The following SERPINB3 variants were observed in gnomAD, a reference collection of about 807,000 sequenced individuals.
SERPINB3 encodes serpin family B member 3.
A neutral mutation model predicts 33.0 loss-of-function variants in SERPINB3; 33 were observed. The observed-to-expected ratio is 1.00, with a 90% CI of 0.76 to 1.34. The LOEUF (loss-of-function observed/expected upper bound fraction) is 1.34. Ranked by LOEUF, SERPINB3 falls within the 40% of genes most tolerant of loss-of-function variation. The pLI, the probability that SERPINB3 is intolerant of heterozygous loss-of-function variation, is 0.00. For synonymous variants in SERPINB3, 200 were observed against 170.9 expected, an observed-to-expected ratio of 1.17 and a Z score of -1.33; for missense variants, 518 against 461.5, an observed-to-expected ratio of 1.12 and a Z score of -1.12.
intron 4 of SERPINB3, among the ~76,000 whole-genome samples, chr18:63,658,986 C>A (rs552418089): frequency 6.6e-6 from 1 of 152,130 alleles, no homozygotes; most frequent in Admixed American, 6.6e-5. Context: ...ATCTTTCATC[C>A]TGTGCATTCA....
rs1913522710 is a variant in SERPINB3, at chr18:63,657,272, T to C, written c.610A>G (p.Lys204Glu). Reference protein sequence around the residue: ...DTKEEKFWPNKNTYKSIQMMR... With the variant: ...DTKEEKFWPNENTYKSIQMMR... Reference sequence around the variant, plus strand: ...TATAAATAAAATATAGACAATACCTTGTTTGGCCAAAATTTTTCCTCTTTA... The same window carrying C: ...TATAAATAAAATATAGACAATACCTCGTTTGGCCAAAATTTTTCCTCTTTA... The change falls in exon 6 of 8, where the codon AAG becomes GAG. Residue 204 changes from lysine (K) to glutamate (E), a missense_variant and splice_region_variant. By Grantham distance (56) the Lys-to-Glu change is moderately conservative. Transcript: ENST00000283752. The C allele has an allele frequency of 6.5e-7, 1 of 1,546,064 alleles. No individual in the cohort carries two copies. The highest frequency in any genetic ancestry group is 1.7e-5 in the Admixed American group (1 of 57,452).
At chr18:63,658,455 A>G in intron 5 of SERPINB3, 58 bp downstream of exon 5, 6 of 1,458,408 alleles carry the variant, frequency 4.1e-6, no homozygotes, top group Non-Finnish European at 5.7e-6. Context: ...AGTTTCAGGC[A>G]TAGGGCTCAC....
chr18:63,661,571 A>G (rs1264056113), intron 1 of SERPINB3, among the ~76,000 whole-genome samples: 2 of 151,936 alleles, frequency 1.3e-5, no homozygotes, highest in Non-Finnish European at 2.9e-5. Context: ...ATCACATCCA[A>G]CCAGCTGTTA....
Position 63,661,062 on chromosome 18 carries a change from T to G in SERPINB3, c.155A>C (p.Gln52Pro). The part of the protein sequence containing the change: ...LLGAKDNTAQ[Q>P]IKKVLHFDQV... ...GATGCTGATAGCTACCTTCTTAATCTGTTGTGCAGTGTTGTCTTTGGCTCC... is the reference window on the plus strand; with the variant it reads ...GATGCTGATAGCTACCTTCTTAATCGGTTGTGCAGTGTTGTCTTTGGCTCC... The change falls in exon 2 of 8, where the codon CAG (glutamine) becomes CCG (proline). Residue 52 changes from glutamine to proline, a missense_variant. Gln to Pro is a moderately conservative substitution (Grantham distance 76). Transcript: ENST00000283752. The G allele has an allele frequency of 6.2e-7, 1 of 1,613,532 alleles. No individual in the cohort carries two copies.
At chr18:63,660,775 T>C (rs1470899939) in intron 3 of SERPINB3, 25 bp downstream of exon 3, 1 of 1,613,182 alleles carries the variant, frequency 6.2e-7, no homozygotes, top group Non-Finnish European at 8.5e-7. Flanking sequence ...GATCTAAAGC[T>C]GAACCATAGT....
At position 63,661,165 on chromosome 18, in the gene SERPINB3, G is replaced by T. The variant is rs754481412; in HGVS notation, c.52C>A (p.Gln18Lys). ...NTKFMFDLFQQFRKSKENNIF... is the reference protein window; with the variant it reads ...NTKFMFDLFQKFRKSKENNIF... ...TTGTTCTCTTTTGATTTTCTGAACT[G>T]TTGGAACAGGTCGAACATGAACTTG... The change falls in exon 2 of 8, where the codon CAG becomes AAG. Residue 18 changes from glutamine (Q) to lysine (K), a missense_variant. By Grantham distance (53) the Gln-to-Lys change is moderately conservative (BLOSUM62 1). Coordinates refer to ENST00000283752, the MANE Select transcript of SERPINB3 (RefSeq NM_006919.3). 4 of 1,613,592 alleles carry T rather than the reference G, an allele frequency of 2.5e-6. No homozygotes were observed. The Admixed American group carries it at 6.7e-5, about 27-fold the overall frequency.
chr18:63,659,650 C>G (rs1429379513), intron 3 of SERPINB3, 123 bp from the exon 4 acceptor site: 6 of 1,303,568 alleles, frequency 4.6e-6, no homozygotes, highest in African/African-American at 1.5e-5. Context: ...TGAGCTTATT[C>G]CCTGATACTT....
intron 6 of SERPINB3, 38 bp from the exon 7 acceptor site, chr18:63,657,024 GA>G (rs1913516500): frequency 6.5e-7 from 1 of 1,530,782 alleles, no homozygotes; most frequent in Non-Finnish European, 8.9e-7. Context: ...TACCAAGTGA[GA>G]CACAAGGCAA....
intron 7 of SERPINB3, among the ~76,000 whole-genome samples, chr18:63,656,530 C>G (rs528777708): frequency 6.6e-6 from 1 of 152,092 alleles, no homozygotes; most frequent in African/African-American, 2.4e-5. Flanking sequence ...TTGGTGTATT[C>G]GTAAACTTTC....
At position 63,656,863 on chromosome 18, in the gene SERPINB3, A is replaced by G. The variant is rs146881818; in HGVS notation, c.736T>C (p.Leu246=). The change falls in exon 7 of 8, where the codon TTG becomes CTG. Residue 246 remains leucine (L), a synonymous_variant. Transcript: ENST00000283752. ...AGACCATCGATTTCATTTGGCAGCA[A>G]CACAATCATGCTTAGATCTTTGCCT... ...YKGKDLSMIV[L]LPNEIDGLQK... The G allele has an allele frequency of 2.0e-4, 318 of 1,612,362 alleles. No individual in the cohort carries two copies. The African/African-American group carries it at 2.3e-3, about 12-fold the overall frequency.
chr18:63,656,965 T>G lies in SERPINB3; in HGVS notation c.634A>C (p.Met212Leu), dbSNP rs939413176. 1.9e-6 allele frequency: 3 copies of G among 1,612,628 alleles called. No individual in the cohort carries two copies. In the South Asian group the frequency reaches 3.3e-5, roughly 18 times the overall value. The change falls in exon 7 of 8, where the codon ATG (methionine) becomes CTG (leucine). Residue 212 changes from methionine (M) to leucine (L), a missense_variant. Coordinates refer to ENST00000283752, the MANE Select transcript of SERPINB3 (RefSeq NM_006919.3). The part of the protein sequence containing the change: ...PNKNTYKSIQ[M>L]MRQYTSFHFA... ...TGAAAAGATGTGTATTGCCTCATCA[T>G]CTGTATGGACTTGTATGTATTCTAC...
Position 63,661,191 on chromosome 18 carries a change from G to C in SERPINB3, c.26C>G (p.Thr9Ser). The C allele has an allele frequency of 1.1e-5, 17 of 1,613,466 alleles. No individual in the cohort carries two copies. The highest frequency in any genetic ancestry group is 1.4e-5 in the Non-Finnish European group (17 of 1,179,564). ...TTGGAACAGGTCGAACATGAACTTG[G>C]TGTTGGCTTCACTGAGTGAATTCAT... MNSLSEAN[T>S]KFMFDLFQQF... Residue 9 changes from threonine (T) to serine (S), a missense_variant, in exon 2 of 8, where the codon ACC (threonine) becomes AGC (serine). Coordinates refer to ENST00000283752, the MANE Select transcript of SERPINB3 (RefSeq NM_006919.3).
chr18:63,656,076 A>G lies in SERPINB3; in HGVS notation c.769-15T>C. ...TTCTCTTCAAGCTATACAAATGGAAAAAAGAAACTGATATGACTAACTGTT... is the reference window on the plus strand; with the variant it reads ...TTCTCTTCAAGCTATACAAATGGAAGAAAGAAACTGATATGACTAACTGTT... On this transcript the variant is annotated splice_polypyrimidine_tract_variant and intron_variant, in intron 7 of 7. Transcript: ENST00000283752. 6.2e-7 allele frequency: 1 copy of G among 1,608,368 alleles called. No individual in the cohort carries two copies. Among genetic ancestry groups the G allele is most frequent in the East Asian group, 2.2e-5 (1 of 44,726 alleles).
Position 63,658,468 on chromosome 18 carries a change from G to T in SERPINB3, c.469+45C>A, listed in dbSNP as rs371048946. The stretch of plus-strand genomic sequence containing the variant: ...GCAGTTTCAGGCATAGGGCTCACTC[G>T]CATAGATTTCTCAAAGGTGTTTCTA... On this transcript the variant is annotated intron_variant, in intron 5 of 7. Transcript: ENST00000283752. The T allele has an allele frequency of 1.0e-5, 16 of 1,529,980 alleles. No individual in the cohort carries two copies. The South Asian group carries it at 1.7e-4, about 16-fold the overall frequency. 94.8% of individuals were successfully genotyped at this position (1,529,980 alleles called of 1,614,324 possible).
chr18:63,658,628 T>A lies in SERPINB3; in HGVS notation c.354A>T (p.Glu118Asp). The stretch of plus-strand genomic sequence containing the variant: ...AAAATTTCTTGATGGCATCTAAATA[T>A]TCCTTTGAGATATGAAGGAAGAAAG... Reference protein sequence around the residue: ...FGEKTYLFLQEYLDAIKKFYQ... With the variant: ...FGEKTYLFLQDYLDAIKKFYQ... The change falls in exon 5 of 8, where the codon GAA becomes GAT. Residue 118 changes from glutamate to aspartate, a missense_variant and splice_region_variant. By Grantham distance (45) the Glu-to-Asp change is conservative. Transcript: ENST00000283752. 1 of 1,606,666 alleles carries A rather than the reference T, an allele frequency of 6.2e-7. No homozygotes were observed. Among genetic ancestry groups the A allele is most frequent in the Non-Finnish European group, 8.5e-7 (1 of 1,173,548 alleles).
In SERPINB3 at chr18:63,660,990, G is replaced by C. The variant is rs780428071; in HGVS notation, c.165+62C>G. 25 of 1,609,656 alleles carry C rather than the reference G, an allele frequency of 1.6e-5. No homozygotes were observed. The East Asian group carries it at 5.1e-4, about 33-fold the overall frequency. On this transcript the variant is annotated intron_variant, in intron 2 of 7. Transcript: ENST00000283752. ...GACCACCACATCTATTACCATCTGC[G>C]TGCTAGCCGACGGAACCAGAGAAAA...
chr18:63,659,143 AT>A (rs1289962982), intron 4 of SERPINB3, among the ~76,000 whole-genome samples: 1 of 152,036 alleles, frequency 6.6e-6, no homozygotes, highest in African/African-American at 2.4e-5. Flanking sequence ...CTTATTACTT[AT>A]TACTCTTACT....
intron 3 of SERPINB3, among the ~76,000 whole-genome samples, chr18:63,660,048 C>A (rs1190297194): frequency 3.3e-5 from 5 of 152,112 alleles, no homozygotes; most frequent in African/African-American, 1.2e-4. Context: ...GTGCCAGGTA[C>A]ATGGCTAAGG....
In SERPINB3 at chr18:63,657,406, AT is replaced by A; in HGVS notation, c.475del (p.Ile159LeufsTer4). 6.3e-7 allele frequency: 1 copy of A among 1,593,824 alleles called. No individual in the cohort carries two copies. Among genetic ancestry groups the A allele is most frequent in the Non-Finnish European group, 8.5e-7 (1 of 1,171,048 alleles). ...SWVESQTNEK[I>X]KNLIPEGNIG... ...ATTACCTTCAGGAATTAGGTTTTTA[AT>A]TTTTTCTGCAAGGGAAAGAATAAAA... On this transcript the variant is annotated frameshift_variant, in exon 6 of 8. Coordinates refer to ENST00000283752, the MANE Select transcript of SERPINB3 (RefSeq NM_006919.3). LOFTEE classifies it high-confidence loss of function.
Sources: gnomAD v4.1 joint callset for allele counts (sites outside exome capture counted in the v4.1 genomes callset) on GRCh38, gnomAD v4.1.1 for gene constraint, MANE v1.5 for transcripts, NCBI Gene and HGNC (gene_info 2026-07-23, HGNC 2026-07-21) for gene names.